The following LHFPL3 variants were observed in gnomAD, a reference collection of about 807,000 sequenced individuals.
LHFPL3 encodes LHFPL tetraspan subfamily member 3 protein.
LHFPL3 carries 5 observed loss-of-function variants against 19.3 expected under a neutral mutation model. The observed-to-expected ratio is 0.26, with a 90% CI of 0.14 to 0.54. The LOEUF (loss-of-function observed/expected upper bound fraction) is 0.54. Among genes scored for constraint, LHFPL3 ranks in the 20% least tolerant of loss-of-function variants. The probability of loss-of-function intolerance (pLI) is 0.94; values close to 1 mark genes in which losing one functional copy is unlikely to be tolerated. For synonymous variants in LHFPL3, 133 were observed against 126.2 expected (o/e 1.05, Z -0.36); for missense variants, 249 against 307.4 (o/e 0.81, Z 1.42).
At chr7:104,827,755 T>C (rs1384384803) in intron 2 of LHFPL3, among the ~76,000 whole-genome samples, 9 of 151,860 alleles carry the variant, frequency 5.9e-5, no homozygotes, top group African/African-American at 2.2e-4. Context: ...AAAATCCTTA[T>C]TACATTCTCA....
chr7:104,796,433 G>A (rs1253547891), intron 2 of LHFPL3: 1 of 152,196 alleles, frequency 6.6e-6, no homozygotes, highest in Non-Finnish European at 1.5e-5. Flanking sequence ...ACCTAACAGA[G>A]AGTAAATGAT....
chr7:104,630,597 G>A (rs1584450248), intron 1 of LHFPL3, among the ~76,000 whole-genome samples: 1 of 152,162 alleles, frequency 6.6e-6, no homozygotes, highest in African/African-American at 2.4e-5. Flanking sequence ...GCAGGAGACA[G>A]CTCCATTGTT....
At chr7:104,793,596 T>C (rs151119834) in intron 2 of LHFPL3, among the ~76,000 whole-genome samples, 17 of 152,292 alleles carry the variant, frequency 1.1e-4, no homozygotes, top group African/African-American at 3.8e-4. Context: ...TCACAGTCAT[T>C]AGAGTGACCG....
intron 1 of LHFPL3, among the ~76,000 whole-genome samples, chr7:104,689,061 G>C (rs994952036): frequency 6.6e-6 from 1 of 152,190 alleles, no homozygotes; most frequent in African/African-American, 2.4e-5. Context: ...CCAGCTGGGA[G>C]GGTCCAGAAG....
intron 2 of LHFPL3, among the ~76,000 whole-genome samples, chr7:104,763,561 G>A (rs926728433): frequency 6.6e-5 from 10 of 152,260 alleles, no homozygotes; most frequent in Admixed American, 5.2e-4. Context: ...TCCACAAGAG[G>A]CAGAGGCCAT....
intron 1 of LHFPL3, among the ~76,000 whole-genome samples, chr7:104,712,292 G>A (rs944670672): frequency 2.6e-5 from 4 of 152,182 alleles, no homozygotes; most frequent in African/African-American, 9.7e-5. Flanking sequence ...AGTCCTAGTG[G>A]CTGGGAAGTC....
In LHFPL3 at chr7:104,476,142, T is replaced by C. The variant is rs1793011140; in HGVS notation, c.445+146918T>C. 2.0e-5 allele frequency among the ~76,000 whole-genome samples: 3 copies of C among 152,184 alleles called. No individual in the cohort carries two copies. In the South Asian group the frequency reaches 6.2e-4, roughly 32 times the overall value. On this transcript the variant is annotated intron_variant, in intron 1 of 2. Transcript: ENST00000424859. The stretch of plus-strand genomic sequence containing the variant: ...GATGTATAGCCACTTCCATCTAAAA[T>C]GGGCATACTCAAGCCTCTTTGTCAA...
intron 1 of LHFPL3, among the ~76,000 whole-genome samples, chr7:104,439,459 G>T (rs1479610240): frequency 6.6e-6 from 1 of 151,936 alleles, no homozygotes; most frequent in East Asian, 1.9e-4. Flanking sequence ...ACCTGGTGGG[G>T]TTTATCTCCA....
chr7:104,334,568 T>C (rs1306877801), intron 1 of LHFPL3, among the ~76,000 whole-genome samples: 1 of 152,100 alleles, frequency 6.6e-6, no homozygotes, highest in Non-Finnish European at 1.5e-5. Context: ...AATTCCCATA[T>C]GTTGTGGCAA....
chr7:104,465,395 G>A (rs1048720679), intron 1 of LHFPL3, among the ~76,000 whole-genome samples: 1 of 152,014 alleles, frequency 6.6e-6, no homozygotes, highest in Non-Finnish European at 1.5e-5. Context: ...CCACATTTTC[G>A]GGTATTTTTA....
At chr7:104,766,571 G>A (rs1794462300) in intron 2 of LHFPL3, among the ~76,000 whole-genome samples, 1 of 152,168 alleles carries the variant, frequency 6.6e-6, no homozygotes, top group African/African-American at 2.4e-5. Flanking sequence ...GGGGAAAAGG[G>A]AATGGAGATT....
intron 1 of LHFPL3, among the ~76,000 whole-genome samples, chr7:104,441,537 A>G (rs1584322355): frequency 6.8e-6 from 1 of 147,390 alleles, no homozygotes; most frequent in East Asian, 1.9e-4. Flanking sequence ...TGCAATGAAC[A>G]TGGTAGAGAC....
chr7:104,685,593 A>G (rs539676270), intron 1 of LHFPL3, among the ~76,000 whole-genome samples: 1 of 152,324 alleles, frequency 6.6e-6, no homozygotes, highest in South Asian at 2.1e-4. Context: ...GTATAAGAGC[A>G]TGTAGGAGAT....
intron 1 of LHFPL3, among the ~76,000 whole-genome samples, chr7:104,539,919 G>A (rs1209401576): frequency 6.6e-6 from 1 of 152,098 alleles, no homozygotes; most frequent in Non-Finnish European, 1.5e-5. Flanking sequence ...GGTTTTCTTT[G>A]TGTGGGTGTG....
At chr7:104,474,873 C>T (rs1414616167) in intron 1 of LHFPL3, among the ~76,000 whole-genome samples, 1 of 151,840 alleles carries the variant, frequency 6.6e-6, no homozygotes, top group East Asian at 1.9e-4. Flanking sequence ...AGGAAGCACA[C>T]GCCAAGATAC....
intron 1 of LHFPL3, among the ~76,000 whole-genome samples, chr7:104,589,185 G>A (rs1335200707): frequency 1.3e-5 from 2 of 152,094 alleles, no homozygotes; most frequent in African/African-American, 2.4e-5. Context: ...TCCCTGTCTT[G>A]TGCCAGTTTT....
rs1792610890 is a variant in LHFPL3, at chr7:104,459,225, A to G, written c.445+130001A>G. On this transcript the variant is annotated intron_variant, in intron 1 of 2. Transcript: ENST00000424859. ...TAAATGTCTTATTTTTGAAATATCT[A>G]GAGTGGTTCCTATTTTCTGATAAGT... is the stretch of plus-strand genomic sequence containing the variant. Among the ~76,000 whole-genome samples the G allele has an allele frequency of 2.6e-5, 4 of 152,354 alleles. No homozygotes were observed. The South Asian group carries it at 8.3e-4, about 32-fold the overall frequency.
chr7:104,882,631 AGGGGAGT>A (rs964025514), intron 2 of LHFPL3, among the ~76,000 whole-genome samples: 4 of 152,126 alleles, frequency 2.6e-5, no homozygotes, highest in African/African-American at 7.2e-5. Context: ...CCAGGGCCTG[AGGGGAGT>A]GGAGAATGGT....
intron 1 of LHFPL3, among the ~76,000 whole-genome samples, chr7:104,580,106 T>G (rs1012900305): frequency 1.3e-5 from 2 of 152,180 alleles, no homozygotes; most frequent in East Asian, 3.8e-4. Flanking sequence ...CTCAGGAGAT[T>G]ATAGAAATTA....
Sources: gnomAD v4.1 joint callset for allele counts (sites outside exome capture counted in the v4.1 genomes callset) on GRCh38, gnomAD v4.1.1 for gene constraint, MANE v1.5 for transcripts, NCBI Gene and HGNC (gene_info 2026-07-23, HGNC 2026-07-21) for gene names.